Variants in OSBPL3 observed in about 807,000 individuals in gnomAD.
The protein encoded by OSBPL3 is oxysterol binding protein like 3.
OSBPL3 carries 65 observed loss-of-function variants against 120.1 expected under a neutral mutation model. That is an observed-to-expected ratio of 0.54 (90% CI 0.44 to 0.67). The LOEUF is 0.67. Among genes scored for constraint, OSBPL3 ranks in the 30% least tolerant of loss-of-function variants. The pLI is 0.00. For synonymous variants in OSBPL3, 416 were observed against 402.6 expected, an observed-to-expected ratio of 1.03 and a Z score of -0.40; for missense variants, 1,004 against 1,082.1, an observed-to-expected ratio of 0.93 and a Z score of 1.01.
rs373870756 is a variant in OSBPL3, at chr7:24,913,451, A to G, written c.-149-20830T>C. Among the ~76,000 whole-genome samples, 16 of 152,244 alleles carry G rather than the reference A, an allele frequency of 1.1e-4. 1 individual carries two copies. The highest frequency in any genetic ancestry group is 4.6e-4 in the Admixed American group (7 of 15,294). ...CACTCCTGCTGGGTAGGTCAGACTC[A>G]GAAGGGGGCTCCTTGACCAACAAAC... On this transcript the variant is annotated intron_variant, in intron 1 of 22. Transcript: ENST00000313367. The surrounding 1 kb of genome is among the most constrained non-coding windows in gnomAD (Gnocchi z 5.3).
At chr7:24,848,858 T>G (rs1261523775) in intron 12 of OSBPL3, among the ~76,000 whole-genome samples, 2 of 151,208 alleles carry the variant, frequency 1.3e-5, no homozygotes, top group Non-Finnish European at 2.9e-5. Flanking sequence ...AAGGAAGCAG[T>G]TTAAAAATGC....
Position 24,871,037 on chromosome 7 carries a change from C to G in OSBPL3, c.268-192G>C, listed in dbSNP as rs1330157934. Among the ~76,000 whole-genome samples, 1 of 152,228 alleles carries G rather than the reference C, an allele frequency of 6.6e-6. No homozygotes were observed. Among genetic ancestry groups the G allele is most frequent in the Non-Finnish European group, 1.5e-5 (1 of 68,050 alleles). On this transcript the variant is annotated intron_variant, in intron 4 of 22. Transcript: ENST00000313367. This position sits in a 1 kb window ranked among gnomAD's most constrained non-coding sequence, Gnocchi z 4.8. ...TCCTGAATCTCCGAGGTAGGAAGTA[C>G]TCTCCCCATTTTACAGATGAAGAAA...
At chr7:24,828,606 G>GAAAAAAGAAAAAAAAAAA (rs1491571662) in intron 16 of OSBPL3, among the ~76,000 whole-genome samples, 1 of 32,522 alleles carries the variant, frequency 3.1e-5, no homozygotes, top group Non-Finnish European at 5.3e-5. Context: ...GACTCTGTCT[G>GAAAAAAGAAAAAAAAAAA]AAAAAAAAAA....
intron 16 of OSBPL3, among the ~76,000 whole-genome samples, chr7:24,826,953 G>C: frequency 6.6e-6 from 1 of 152,044 alleles, no homozygotes; most frequent in East Asian, 1.9e-4. Flanking sequence ...CAAAATCAAG[G>C]GGCTTGGAAG....
In OSBPL3 at chr7:24,938,390, T is replaced by C. The variant is rs955551543; in HGVS notation, c.-150+41496A>G. ...CAACCCATTTCTATTGTTTATAAAT[T>C]ACCCGGTTTATGATATTTGTTATAG... On this transcript the variant is annotated intron_variant, in intron 1 of 22. Transcript: ENST00000313367. The surrounding 1 kb of genome is among the most constrained non-coding windows in gnomAD (Gnocchi z 5.8). Among the ~76,000 whole-genome samples the C allele has an allele frequency of 6.6e-6, 1 of 152,216 alleles. No homozygotes were observed. The highest frequency in any genetic ancestry group is 1.5e-5 in the Non-Finnish European group (1 of 68,038).
chr7:24,945,718 G>T (rs1223582266), intron 1 of OSBPL3, among the ~76,000 whole-genome samples: 1 of 152,188 alleles, frequency 6.6e-6, no homozygotes, highest in Admixed American at 6.5e-5. Context: ...ATAGCTTGAG[G>T]ACATAACTAC....
rs1327844953 is a variant in OSBPL3, at chr7:24,827,547, T to C, written c.1884+3221A>G. Among the ~76,000 whole-genome samples the C allele has an allele frequency of 6.6e-6, 1 of 152,252 alleles. No individual in the cohort carries two copies. Among genetic ancestry groups the C allele is most frequent in the South Asian group, 2.1e-4 (1 of 4,834 alleles). The stretch of plus-strand genomic sequence containing the variant: ...TCATTGGCTTCCCAAGTAATCTGCC[T>C]ATGGGAAAATCATACCTAGTCACAC... On this transcript the variant is annotated intron_variant, in intron 16 of 22. Transcript: ENST00000313367. This position sits in a 1 kb window ranked among gnomAD's most constrained non-coding sequence, Gnocchi z 5.1.
At chr7:24,981,829 A>AC (rs1818399442), upstream of OSBPL3, among the ~76,000 whole-genome samples, 1 of 152,146 alleles carries the variant, frequency 6.6e-6, no homozygotes. The surrounding 1 kb of genome is among the most constrained non-coding windows in gnomAD (Gnocchi z 7.3). Context: ...CTGGACGGGT[A>AC]GTGGAAGGAC....
In OSBPL3 at chr7:24,947,286, C is replaced by T. The variant is rs1249750536; in HGVS notation, c.-150+32600G>A. On this transcript the variant is annotated intron_variant, in intron 1 of 22. Transcript: ENST00000313367. The surrounding 1 kb of genome is among the most constrained non-coding windows in gnomAD (Gnocchi z 4.4). Reference sequence around the variant, plus strand: ...TGTGTGGGATGTCACTATTCACTATCCTCCTGCCAAAAATGTATTAACATA... The same window carrying T: ...TGTGTGGGATGTCACTATTCACTATTCTCCTGCCAAAAATGTATTAACATA... 6.6e-6 allele frequency among the ~76,000 whole-genome samples: 1 copy of T among 152,146 alleles called. No individual in the cohort carries two copies. The highest frequency in any genetic ancestry group is 2.4e-5 in the African/African-American group (1 of 41,420).
chr7:24,923,997 G>C (rs141002515), intron 1 of OSBPL3, among the ~76,000 whole-genome samples: 1,691 of 152,334 alleles, frequency 0.011, 37 homozygotes, highest in African/African-American at 0.038. Flanking sequence ...GGATAAATAA[G>C]TTAAAATATC....
chr7:24,861,792 T>C (rs1800575823), intron 9 of OSBPL3, 23 bp from the exon 10 acceptor site: 3 of 1,525,580 alleles, frequency 2.0e-6, no homozygotes, highest in Non-Finnish European at 2.7e-6. Flanking sequence ...CAAAGGGAGA[T>C]ATTTCTTTTC....
chr7:24,799,146 T>C lies in OSBPL3; in HGVS notation c.*1037A>G, dbSNP rs1227980283. On this transcript the variant is annotated 3_prime_UTR_variant, in exon 23 of 23. Transcript: ENST00000313367. The surrounding 1 kb of genome is among the most constrained non-coding windows in gnomAD (Gnocchi z 5.3). ...CTATAAGGCAGATGGCAACTTTTTA[T>C]ACAAGATCTAAAATATGGTGCTTAT... The C allele has an allele frequency of 1.3e-5, 2 of 152,656 alleles. No individual in the cohort carries two copies. Among genetic ancestry groups the C allele is most frequent in the East Asian group, 3.8e-4 (2 of 5,204 alleles). 9.5% of individuals were successfully genotyped at this position (152,656 alleles called of 1,614,324 possible).
At position 24,800,346 on chromosome 7, in the gene OSBPL3, T is replaced by C. The variant is rs1562740674; in HGVS notation, c.2568-67A>G. The C allele has an allele frequency of 3.4e-6, 3 of 880,082 alleles. No individual in the cohort carries two copies. In the East Asian group the frequency reaches 7.9e-5, roughly 23 times the overall value. 54.5% of individuals were successfully genotyped at this position (880,082 alleles called of 1,614,324 possible). On this transcript the variant is annotated intron_variant, in intron 22 of 22. Coordinates refer to ENST00000313367, the MANE Select transcript of OSBPL3 (RefSeq NM_015550.4). Reference sequence around the variant, plus strand: ...GCGTCACATTCTCAAGTCTCTTTCCTTCCTAACCTCCCTGCTTTCCCCATC... The same window carrying C: ...GCGTCACATTCTCAAGTCTCTTTCCCTCCTAACCTCCCTGCTTTCCCCATC...
chr7:24,798,539 T>TA lies in OSBPL3; in HGVS notation c.*1643dup. The TA allele has an allele frequency of 6.6e-6, 1 of 152,232 alleles. No individual in the cohort carries two copies. Among genetic ancestry groups the TA allele is most frequent in the Admixed American group, 6.5e-5 (1 of 15,284 alleles). 9.4% of individuals were successfully genotyped at this position (152,232 alleles called of 1,614,324 possible). A position where few individuals can be genotyped will look rare whatever the true frequency, so the allele number is the denominator to read the frequency against. On this transcript the variant is annotated 3_prime_UTR_variant, in exon 23 of 23. Coordinates refer to ENST00000313367, the MANE Select transcript of OSBPL3 (RefSeq NM_015550.4). This position sits in a 1 kb window ranked among gnomAD's most constrained non-coding sequence, Gnocchi z 4.6. Reference sequence around the variant, plus strand: ...CATTGTGTTCATCTTGGCATCTCGATAAAATGAATCCAATATTTAATGAGT... The same window carrying TA: ...CATTGTGTTCATCTTGGCATCTCGATAAAAATGAATCCAATATTTAATGAGT...
chr7:24,952,431 C>T lies in OSBPL3; in HGVS notation c.-150+27455G>A, dbSNP rs1011797269. ...TTCAATACAATGCCCTGTAGCAAAC[C>T]GAAACCTCAGAAACCTCAGAAGGTA... is the stretch of plus-strand genomic sequence containing the variant. On this transcript the variant is annotated intron_variant, in intron 1 of 22. Transcript: ENST00000313367. This position sits in a 1 kb window ranked among gnomAD's most constrained non-coding sequence, Gnocchi z 4.4. 6.6e-6 allele frequency among the ~76,000 whole-genome samples: 1 copy of T among 152,124 alleles called. No individual in the cohort carries two copies. Among genetic ancestry groups the T allele is most frequent in the African/African-American group, 2.4e-5 (1 of 41,416 alleles).
intron 7 of OSBPL3, among the ~76,000 whole-genome samples, chr7:24,864,185 G>A (rs554806979): frequency 6.6e-6 from 1 of 152,270 alleles, no homozygotes; most frequent in African/African-American, 2.4e-5. Flanking sequence ...GGACATAAGA[G>A]GACTCTCCAA....
upstream of OSBPL3, among the ~76,000 whole-genome samples, chr7:24,980,480 T>G (rs575710201): frequency 1.2e-3 from 178 of 151,936 alleles, no homozygotes; most frequent in African/African-American, 4.0e-3. Flanking sequence ...CCCAGCTCGG[T>G]GCCTGCGCGC....
Position 24,879,769 on chromosome 7 carries a change from T to C in OSBPL3, c.97-7700A>G, listed in dbSNP as rs962879368. On this transcript the variant is annotated intron_variant, in intron 2 of 22. Coordinates refer to ENST00000313367, the MANE Select transcript of OSBPL3 (RefSeq NM_015550.4). This position sits in a 1 kb window ranked among gnomAD's most constrained non-coding sequence, Gnocchi z 5.6. ...GTATTGACCACAGACGGATTTATAA[T>C]TAAAATAGCATTAATAAAAACACTT... is the stretch of plus-strand genomic sequence containing the variant. Among the ~76,000 whole-genome samples the C allele has an allele frequency of 5.9e-5, 9 of 152,202 alleles. No individual in the cohort carries two copies. The highest frequency in any genetic ancestry group is 2.2e-4 in the African/African-American group (9 of 41,458).
Position 24,872,520 on chromosome 7 carries a change from G to A in OSBPL3, c.97-451C>T, listed in dbSNP as rs1447395596. ...GGGAAGGAAGTTGGTTTAAGAATTGGCTGAACAGTATGAGACAATGCAAAT... is the reference window on the plus strand; with the variant it reads ...GGGAAGGAAGTTGGTTTAAGAATTGACTGAACAGTATGAGACAATGCAAAT... On this transcript the variant is annotated intron_variant, in intron 2 of 22. Transcript: ENST00000313367. This position sits in a 1 kb window ranked among gnomAD's most constrained non-coding sequence, Gnocchi z 4.1. 1.3e-5 allele frequency among the ~76,000 whole-genome samples: 2 copies of A among 150,002 alleles called. No homozygotes were observed. Among genetic ancestry groups the A allele is most frequent in the Non-Finnish European group, 3.0e-5 (2 of 67,570 alleles).
Sources: gnomAD v4.1 joint callset for allele counts (sites outside exome capture counted in the v4.1 genomes callset) on GRCh38, gnomAD v4.1.1 for gene constraint, Gnocchi (gnomAD v3.1) non-coding constraint, MANE v1.5 for transcripts, NCBI Gene and HGNC (gene_info 2026-07-23, HGNC 2026-07-21) for gene names.